NEGR1: variants seen among roughly 807,000 people sequenced by gnomAD.
The protein encoded by NEGR1 is neuronal growth regulator 1, also known as IgLON family member 4.
NEGR1 carries 10 observed loss-of-function variants against 40.9 expected under a neutral mutation model. The observed-to-expected ratio is 0.24, with a 90% confidence interval of 0.15 to 0.42. The LOEUF is 0.42. Ranked by LOEUF, NEGR1 falls within the 10% of genes least tolerant of loss-of-function variation. The pLI, the probability that NEGR1 is intolerant of heterozygous loss-of-function variation, is 1.00. For synonymous variants in NEGR1, 185 were observed against 166.8 expected, an observed-to-expected ratio of 1.11 and a Z score of -0.84; for missense variants, 352 against 438.9, an observed-to-expected ratio of 0.80 and a Z score of 1.77.
In NEGR1 at chr1:71,824,139, G is replaced by GA. The variant is rs796125642; in HGVS notation, c.410-47843dup. On this transcript the variant is annotated intron_variant, in intron 2 of 6. Transcript: ENST00000357731. ...TCCAGAGGATACATTGTGGTACACA[G>GA]AAAAAAAAATTGGCTACTCTTGCAC... 9.4e-4 allele frequency among the ~76,000 whole-genome samples: 143 copies of GA among 151,408 alleles called. 1 individual carries two copies. The highest frequency in any genetic ancestry group is 3.0e-3 in the African/African-American group (125 of 41,352).
At chr1:71,765,284 CACCTG>C (rs1434775989) in intron 3 of NEGR1, among the ~76,000 whole-genome samples, 1 of 152,138 alleles carries the variant, frequency 6.6e-6, no homozygotes, top group Non-Finnish European at 1.5e-5. Flanking sequence ...TTGCCATATT[CACCTG>C]ACCTCTTGCC....
intron 2 of NEGR1, among the ~76,000 whole-genome samples, chr1:71,797,580 T>C (rs1657385780): frequency 6.6e-6 from 1 of 152,204 alleles, no homozygotes; most frequent in African/African-American, 2.4e-5. Flanking sequence ...ATGTATAAGA[T>C]AATAAATGTA....
intron 6 of NEGR1, among the ~76,000 whole-genome samples, chr1:71,529,036 ATTTTT>A (rs34533864): frequency 6.6e-6 from 1 of 150,748 alleles, no homozygotes; most frequent in African/African-American, 2.4e-5. Flanking sequence ...TAAATAAAGC[ATTTTT>A]TTTTACTATG....
chr1:72,164,218 C>A (rs182973315), intron 1 of NEGR1, among the ~76,000 whole-genome samples: 1 of 151,820 alleles, frequency 6.6e-6, no homozygotes, highest in Non-Finnish European at 1.5e-5. Flanking sequence ...CTTTAACGAC[C>A]GTTGAAAAGG....
intron 4 of NEGR1, among the ~76,000 whole-genome samples, chr1:71,661,828 A>G (rs753824392): frequency 2.0e-5 from 3 of 152,194 alleles, no homozygotes; most frequent in Non-Finnish European, 4.4e-5. Context: ...GGTGCTTAGA[A>G]GAAACTGTAT....
intron 1 of NEGR1, among the ~76,000 whole-genome samples, chr1:72,028,079 G>C (rs1000201590): frequency 1.3e-5 from 2 of 152,142 alleles, no homozygotes; most frequent in African/African-American, 4.8e-5. Context: ...CCTAAAAATT[G>C]ACTTCCCAAA....
chr1:72,185,242 G>T (rs6668604), intron 1 of NEGR1, among the ~76,000 whole-genome samples: 78,666 of 151,522 alleles, frequency 0.52, 21,138 homozygotes, highest in East Asian at 0.83. Flanking sequence ...TATTAAAGAA[G>T]AGACCATAAT....
intron 6 of NEGR1, among the ~76,000 whole-genome samples, chr1:71,527,323 T>C (rs72938068): frequency 0.04 from 6,084 of 151,336 alleles, 397 homozygotes; most frequent in African/African-American, 0.14. Flanking sequence ...TTCCCTACTT[T>C]TCTAAAGCTC....
At chr1:72,088,434 G>A (rs991963094) in intron 1 of NEGR1, among the ~76,000 whole-genome samples, 3 of 152,094 alleles carry the variant, frequency 2.0e-5, no homozygotes, top group African/African-American at 7.2e-5. Flanking sequence ...TAAGAGGGTA[G>A]GTGCTCATAT....
At chr1:72,043,506 A>G (rs12069434) in intron 1 of NEGR1, among the ~76,000 whole-genome samples, 4,557 of 151,982 alleles carry the variant, frequency 0.03, 214 homozygotes, top group African/African-American at 0.1. Context: ...AAATAATTTT[A>G]AAATGACTTT....
chr1:71,770,515 T>C (rs1039996824), intron 3 of NEGR1, among the ~76,000 whole-genome samples: 2 of 152,146 alleles, frequency 1.3e-5, no homozygotes, highest in Non-Finnish European at 2.9e-5. Flanking sequence ...TCCAATTGTA[T>C]GGTATAAAAT....
intron 1 of NEGR1, among the ~76,000 whole-genome samples, chr1:72,002,100 G>C (rs1226722506): frequency 6.6e-6 from 1 of 151,584 alleles, no homozygotes; most frequent in Non-Finnish European, 1.5e-5. Context: ...CCGTGTTTTT[G>C]TCTGTTTGTT....
chr1:71,413,861 TTC>T (rs745996042), intron 6 of NEGR1, among the ~76,000 whole-genome samples: 87 of 152,294 alleles, frequency 5.7e-4, no homozygotes, highest in South Asian at 1.2e-3. Context: ...GCATATTATT[TTC>T]TGTTTTGGCA....
At chr1:71,924,657 T>C (rs1439546544) in intron 2 of NEGR1, among the ~76,000 whole-genome samples, 1 of 152,214 alleles carries the variant, frequency 6.6e-6, no homozygotes, top group Non-Finnish European at 1.5e-5. Flanking sequence ...TTAGAAACGA[T>C]TGGCTACAGT....
intron 1 of NEGR1, among the ~76,000 whole-genome samples, chr1:72,002,438 A>G (rs1271921219): frequency 2.0e-5 from 3 of 152,140 alleles, no homozygotes; most frequent in Non-Finnish European, 4.4e-5. Flanking sequence ...AGTGTTTTCT[A>G]AGAAAGTAGT....
chr1:71,989,548 T>C (rs1646431770), intron 1 of NEGR1, among the ~76,000 whole-genome samples: 1 of 151,948 alleles, frequency 6.6e-6, no homozygotes, highest in African/African-American at 2.4e-5. Context: ...GCAAATGTCA[T>C]TAATAATTTT....
chr1:72,028,947 C>T (rs868166544), intron 1 of NEGR1, among the ~76,000 whole-genome samples: 9 of 152,002 alleles, frequency 5.9e-5, no homozygotes, highest in South Asian at 2.1e-4. Flanking sequence ...ACACAAAATA[C>T]GCAAAAGAAT....
At chr1:72,237,677 T>C (rs910328833) in intron 1 of NEGR1, among the ~76,000 whole-genome samples, 3 of 152,036 alleles carry the variant, frequency 2.0e-5, no homozygotes, top group African/African-American at 7.2e-5. Context: ...TAACTCAGTT[T>C]CCAATAACTA....
intron 1 of NEGR1, among the ~76,000 whole-genome samples, chr1:72,257,321 CAAAAAAAAA>C (rs34220734): frequency 1.8e-5 from 1 of 57,134 alleles, no homozygotes; most frequent in Non-Finnish European, 3.3e-5. Flanking sequence ...GACTCTGTCT[CAAAAAAAAA>C]AAAAAAAAAA....
Sources: allele counts gnomAD v4.1 joint callset (sites outside exome capture counted in the v4.1 genomes callset), GRCh38; gene constraint gnomAD v4.1.1; transcripts MANE v1.5; gene names NCBI Gene and HGNC (gene_info 2026-07-23, HGNC 2026-07-21).